EIF3C: variants seen among roughly 807,000 people sequenced by gnomAD.
The protein encoded by EIF3C is eukaryotic translation initiation factor 3 subunit C.
A neutral mutation model predicts 11.1 loss-of-function variants in EIF3C; 2 were observed. That is an observed-to-expected ratio of 0.18 (90% CI 0.07 to 0.57). The LOEUF (loss-of-function observed/expected upper bound fraction) is 0.57, where lower values mean the gene tolerates loss of function less well. EIF3C is among the 20% of genes least tolerant of loss of function. The pLI, the probability that EIF3C is intolerant of heterozygous loss-of-function variation, is 0.92. For missense variants in EIF3C, 16 were observed against 114.6 expected, an observed-to-expected ratio of 0.14 and a Z score of 3.93; for synonymous variants, 2 against 41.5, an observed-to-expected ratio of 0.05 and a Z score of 3.66.
intron 1 of EIF3C, among the ~76,000 whole-genome samples, chr16:28,698,535 C>T (rs1295886873): frequency 1.3e-5 from 1 of 79,698 alleles, no homozygotes; most frequent in African/African-American, 9.4e-5. Flanking sequence ...GGGGGCTGAC[C>T]CCCCCCACCT....
At chr16:28,710,049 C>T (rs2048297835), upstream of EIF3C, among the ~76,000 whole-genome samples, 1 of 131,832 alleles carries the variant, frequency 7.6e-6, no homozygotes, top group Admixed American at 7.7e-5. Flanking sequence ...AGTGCAGTGG[C>T]ACGATCTTGG....
At chr16:28,707,187 G>A (rs62036586), upstream of EIF3C, among the ~76,000 whole-genome samples, 615 of 1,464 alleles carry the variant, frequency 0.42, 183 homozygotes, top group Non-Finnish European at 0.47. Context: ...GGGTTCAAGC[G>A]ATTCCCCTGC....
chr16:28,729,890 G>A (rs1303083570), intron 15 of EIF3C, among the ~76,000 whole-genome samples: 1 of 150,432 alleles, frequency 6.6e-6, no homozygotes, highest in South Asian at 2.1e-4. Context: ...AGCTCAGGAG[G>A]TCGAGGCTGC....
At chr16:28,728,496 G>GT (rs1567346006) in intron 15 of EIF3C, among the ~76,000 whole-genome samples, 5 of 65,344 alleles carry the variant, frequency 7.7e-5, no homozygotes, top group African/African-American at 2.1e-4. Context: ...TCTTTTAGGG[G>GT]GTGTGTGTGT....
intron 1 of EIF3C, chr16:28,700,224 G>A (rs1365660796): frequency 4.6e-6 from 1 of 219,754 alleles, no homozygotes; most frequent in Non-Finnish European, 8.3e-6. Flanking sequence ...GGGAGATGGT[G>A]TCTATTTTTG....
intron 1 of EIF3C, among the ~76,000 whole-genome samples, chr16:28,698,573 G>A (rs1324546681): frequency 6.4e-5 from 6 of 94,478 alleles, no homozygotes; most frequent in Admixed American, 1.8e-4. Context: ...GCTGCCGGGC[G>A]GAGACGCTCC....
chr16:28,700,478 G>A lies in EIF3C; in HGVS notation c.-30-11179G>A, dbSNP rs769863883. 11 of 351,002 alleles carry A rather than the reference G, an allele frequency of 3.1e-5. 4 individuals carry two copies. The highest frequency in any genetic ancestry group is 1.9e-4 in the African/African-American group (5 of 26,866). 21.7% of individuals were successfully genotyped at this position (351,002 alleles called of 1,614,324 possible). A position where few individuals can be genotyped will look rare whatever the true frequency, so the allele number is the denominator to read the frequency against. On this transcript the variant is annotated intron_variant, in intron 1 of 20. Transcript: ENST00000566501. ...ATCTTGCTGCATTTGCGCGTCCTTC[G>A]CATTGAAGCCCTTTTGGAGTTCCTC...
At position 28,728,496 on chromosome 16, in the gene EIF3C, G is replaced by GGT. The variant is rs55817458; in HGVS notation, c.1818+1264_1818+1265dup. Among the ~76,000 whole-genome samples the GGT allele has an allele frequency of 4.0e-3, 264 of 65,366 alleles. 13 individuals are homozygous for GGT. The highest frequency in any genetic ancestry group is 9.5e-3 in the African/African-American group (225 of 23,786). The allele number at this position is 65,366 out of a possible 152,430, so 42.9% of individuals were successfully genotyped here. On this transcript the variant is annotated intron_variant, in intron 15 of 20. Coordinates refer to ENST00000331666, the MANE Select transcript of EIF3C (RefSeq NM_003752.5). ...GGGGTTGTGTGTGTATCTTTTAGGG[G>GGT]GTGTGTGTGTGTGTATCTTTTAGGG...
At chr16:28,700,964 G>A (rs375333666) in intron 1 of EIF3C, 21 of 186,256 alleles carry the variant, frequency 1.1e-4, no homozygotes, top group East Asian at 1.1e-3. Flanking sequence ...GCAATGGCAT[G>A]ATCTTGGCTC....
At chr16:28,712,677 T>A (rs1360438592) in intron 2 of EIF3C, among the ~76,000 whole-genome samples, 3 of 145,054 alleles carry the variant, frequency 2.1e-5, no homozygotes, top group East Asian at 2.1e-4. Context: ...TTCGTATCAC[T>A]TCCACAGGTG....
chr16:28,712,929 C>T (rs1451751773), intron 2 of EIF3C, among the ~76,000 whole-genome samples: 3 of 148,836 alleles, frequency 2.0e-5, no homozygotes, highest in East Asian at 2.0e-4. Flanking sequence ...ACCTTGGAGG[C>T]GGAGGTTGTA....
At chr16:28,692,567 CACTA>C (rs1188733588) in intron 1 of EIF3C, among the ~76,000 whole-genome samples, 1 of 139,736 alleles carries the variant, frequency 7.2e-6, no homozygotes, top group African/African-American at 2.8e-5. Flanking sequence ...GGACCATCCT[CACTA>C]ACATGGTGAA....
At chr16:28,712,607 CGTTTGTGCTACT>C (rs2048311145) in intron 2 of EIF3C, among the ~76,000 whole-genome samples, 2 of 125,502 alleles carry the variant, frequency 1.6e-5, no homozygotes, top group Non-Finnish European at 3.4e-5. Context: ...ACATCTGCCA[CGTTTGTGCTACT>C]GTTTTAAAAG....
At chr16:28,703,600 T>C (rs1365210788) in intron 1 of EIF3C, among the ~76,000 whole-genome samples, 3 of 120,526 alleles carry the variant, frequency 2.5e-5, no homozygotes, top group African/African-American at 1.0e-4. Flanking sequence ...TGGCCAGGTA[T>C]GGTGGCTCAC....
intron 15 of EIF3C, among the ~76,000 whole-genome samples, chr16:28,730,369 A>G (rs1172041864): frequency 7.4e-6 from 1 of 135,722 alleles, no homozygotes; most frequent in Non-Finnish European, 1.6e-5. Flanking sequence ...TTCCTGAAGT[A>G]TATCCAGTTT....
chr16:28,694,685 C>CA (rs1256317193), intron 1 of EIF3C, among the ~76,000 whole-genome samples: 55 of 83,778 alleles, frequency 6.6e-4, no homozygotes, highest in Middle Eastern at 5.6e-3. Context: ...ATGTCTCCAC[C>CA]AAAAAAAGGT....
chr16:28,697,843 G>C (rs1247669269), intron 1 of EIF3C, among the ~76,000 whole-genome samples: 1 of 92,696 alleles, frequency 1.1e-5, no homozygotes. Context: ...CCTCCCTCCC[G>C]GACGGGGCGG....
intron 1 of EIF3C, among the ~76,000 whole-genome samples, chr16:28,691,297 G>T (rs2048216259): frequency 5.2e-5 from 1 of 19,122 alleles, no homozygotes. Flanking sequence ...ATGGTTGCTG[G>T]GCACGGTGGC....
At position 28,699,550 on chromosome 16, in the gene EIF3C, C is replaced by CT. The variant is rs1235675542; in HGVS notation, c.-31+10732dup. ...AAAATAGGAAATGTGAATCCTCCAA[C>CT]TTTTTTTTTTGGAGACGGAGTCTCG... On this transcript the variant is annotated intron_variant, in intron 1 of 20. Transcript: ENST00000566501. 2.4e-3 allele frequency among the ~76,000 whole-genome samples: 238 copies of CT among 98,922 alleles called. 5 individuals are homozygous for CT. The highest frequency in any genetic ancestry group is 0.011 in the Middle Eastern group (2 of 178). The allele number at this position is 98,922 out of a possible 152,430, so 64.9% of individuals were successfully genotyped here. A position where few individuals can be genotyped will look rare whatever the true frequency, so the allele number is the denominator to read the frequency against.
Sources: gnomAD v4.1 joint callset for allele counts (sites outside exome capture counted in the v4.1 genomes callset) on GRCh38, gnomAD v4.1.1 for gene constraint, MANE v1.5 for transcripts, NCBI Gene and HGNC (gene_info 2026-07-23, HGNC 2026-07-21) for gene names.